The following PCDHGB1 variants were observed in gnomAD, a reference collection of about 807,000 sequenced individuals.
PCDHGB1 encodes protocadherin gamma subfamily B, 1.
A neutral mutation model predicts 56.6 loss-of-function variants in PCDHGB1; 34 were observed. The observed-to-expected ratio is 0.60, with a 90% CI of 0.46 to 0.80. PCDHGB1 has a LOEUF of 0.80. Ranked by LOEUF, PCDHGB1 falls within the 30% of genes least tolerant of loss-of-function variation. The pLI is 0.00. For synonymous variants in PCDHGB1, 561 were observed against 505.9 expected (o/e 1.11, Z -1.46); for missense variants, 1,278 against 1,204.6 (o/e 1.06, Z -0.90).
chr5:141,409,155 A>T, intron 1 of PCDHGB1: 1 of 1,614,036 alleles, frequency 6.2e-7, no homozygotes, highest in Non-Finnish European at 8.5e-7. Context: ...TACACCATGG[A>T]AGTGGAAGCG....
In PCDHGB1 at chr5:141,431,771, C is replaced by G. The variant is rs1175712662; in HGVS notation, c.2410-63036C>G. 1.2e-6 allele frequency: 2 copies of G among 1,614,214 alleles called. No homozygotes were observed. Among genetic ancestry groups the G allele is most frequent in the Non-Finnish European group, 8.5e-7 (1 of 1,180,034 alleles). The stretch of plus-strand genomic sequence containing the variant: ...GCGAGCCAAAGTCCTGATCACTGTT[C>G]TGGACGTGAACGACAATGCCCCAGA... On this transcript the variant is annotated intron_variant, in intron 1 of 3. Coordinates refer to ENST00000523390, the MANE Select transcript of PCDHGB1 (RefSeq NM_018922.3). The surrounding 1 kb of genome is among the most constrained non-coding windows in gnomAD (Gnocchi z 4.8).
chr5:141,415,026 G>T, intron 1 of PCDHGB1: 2 of 1,613,590 alleles, frequency 1.2e-6, no homozygotes, highest in Non-Finnish European at 1.7e-6. Context: ...AGGCCAGCGA[G>T]CCGGGACTCT....
intron 1 of PCDHGB1, chr5:141,413,070 T>C: frequency 8.4e-7 from 1 of 1,195,132 alleles, no homozygotes; most frequent in African/African-American, 1.5e-5. Context: ...GAATTTAAAG[T>C]GCCCAGGCTA....
At position 141,487,448 on chromosome 5, in the gene PCDHGB1, C is replaced by T; in HGVS notation, c.2410-7359C>T. The stretch of plus-strand genomic sequence containing the variant: ...CCGAATCCAGCTAGGGTCAGATGAC[C>T]CTATCAAGTTTGTTGATGTGGGAGG... On this transcript the variant is annotated intron_variant, in intron 1 of 3. Coordinates refer to ENST00000523390, the MANE Select transcript of PCDHGB1 (RefSeq NM_018922.3). The surrounding 1 kb of genome is among the most constrained non-coding windows in gnomAD (Gnocchi z 5.0). 6.8e-6 allele frequency: 11 copies of T among 1,614,146 alleles called. No individual in the cohort carries two copies. The highest frequency in any genetic ancestry group is 9.3e-6 in the Non-Finnish European group (11 of 1,180,028).
chr5:141,422,977 G>A (rs1434523351), intron 1 of PCDHGB1: 1 of 1,614,110 alleles, frequency 6.2e-7, no homozygotes, highest in Non-Finnish European at 8.5e-7. Context: ...CCGCTCTGCG[G>A]AACCTGGCTA....
chr5:141,415,040 C>A (rs772941952), intron 1 of PCDHGB1: 3 of 1,613,520 alleles, frequency 1.9e-6, no homozygotes, highest in Non-Finnish European at 2.5e-6. Flanking sequence ...GGACTCTTCG[C>A]GGTGGGGGAG....
chr5:141,358,269 CT>C (rs1760870849), intron 1 of PCDHGB1, among the ~76,000 whole-genome samples: 1 of 152,132 alleles, frequency 6.6e-6, no homozygotes, highest in Non-Finnish European at 1.5e-5. Context: ...TACAAGAGAC[CT>C]GTAAAATAGA....
At chr5:141,445,938 G>A (rs2098482293) in intron 1 of PCDHGB1, among the ~76,000 whole-genome samples, 1 of 152,196 alleles carries the variant, frequency 6.6e-6, no homozygotes, top group Non-Finnish European at 1.5e-5. Flanking sequence ...GAATTATTAA[G>A]CTTACTCTGG....
In PCDHGB1 at chr5:141,431,221, A is replaced by T; in HGVS notation, c.2410-63586A>T. 6.2e-7 allele frequency: 1 copy of T among 1,614,124 alleles called. No homozygotes were observed. The highest frequency in any genetic ancestry group is 8.5e-7 in the Non-Finnish European group (1 of 1,180,026). On this transcript the variant is annotated intron_variant, in intron 1 of 3. Transcript: ENST00000523390. The surrounding 1 kb of genome is among the most constrained non-coding windows in gnomAD (Gnocchi z 4.8). Reference sequence around the variant, plus strand: ...CAGCCACTGAGATGCGGTTCCCTCTACCCCACGCCTGGGATCCGGATATCG... The same window carrying T: ...CAGCCACTGAGATGCGGTTCCCTCTTCCCCACGCCTGGGATCCGGATATCG...
rs1759015395 is a variant in PCDHGB1 at position 141,352,445 on chromosome 5, T to C, written c.2185T>C (p.Ser729Pro). ...TEGCFQTGLC[S>P]KSGPGVPPNH... ...GGGCTGCTTTCAAACCGGTCTCTGC[T>C]CCAAGTCTGGGCCCGGGGTTCCTCC... is the stretch of plus-strand genomic sequence containing the variant. Residue 729 changes from serine (S) to proline (P), a missense_variant, in exon 1 of 4, where the codon TCC becomes CCC. Physicochemically the swap from Ser to Pro is moderately conservative, Grantham distance 74. Coordinates refer to ENST00000523390, the MANE Select transcript of PCDHGB1 (RefSeq NM_018922.3). 1 of 1,614,006 alleles carries C rather than the reference T, an allele frequency of 6.2e-7. No individual in the cohort carries two copies.
Position 141,350,305 on chromosome 5 carries a change from G to A in PCDHGB1, c.45G>A (p.Leu15=), listed in dbSNP as rs1758443560. ...CCGAAATGATGAAAAGTCAGGTACT[G>A]TTTCCCTTCCTGCTGTCTTTGTTCT... ...REAEMMKSQV[L]FPFLLSLFCG... is the part of the protein sequence containing the mutation. The change falls in exon 1 of 4, where the codon CTG becomes CTA. Residue 15 remains leucine (L), a synonymous_variant. Coordinates refer to ENST00000523390, the MANE Select transcript of PCDHGB1 (RefSeq NM_018922.3). 1 of 1,521,768 alleles carries A rather than the reference G, an allele frequency of 6.6e-7. No individual in the cohort carries two copies. The highest frequency in any genetic ancestry group is 1.4e-5 in the African/African-American group (1 of 71,824). 94.3% of individuals were successfully genotyped at this position (1,521,768 alleles called of 1,614,324 possible). A position where few individuals can be genotyped will look rare whatever the true frequency, so the allele number is the denominator to read the frequency against.
chr5:141,357,846 C>CGA, intron 1 of PCDHGB1: 2 of 620,680 alleles, frequency 3.2e-6, no homozygotes, highest in Non-Finnish European at 5.4e-6. Flanking sequence ...GTTGTAGTTT[C>CGA]AGCCAGAATT....
chr5:141,399,753 G>A (rs1418820057), intron 1 of PCDHGB1: 6 of 1,613,252 alleles, frequency 3.7e-6, no homozygotes, highest in Middle Eastern at 1.7e-4. Flanking sequence ...GCGCAAACGT[G>A]AGCCTGCGCG....
At chr5:141,422,690 T>G (rs1384522137) in intron 1 of PCDHGB1, 1 of 1,603,908 alleles carries the variant, frequency 6.2e-7, no homozygotes, top group Admixed American at 1.7e-5. Context: ...AATGCCCTGG[T>G]CACTTACTCT....
intron 1 of PCDHGB1, chr5:141,402,997 G>C: frequency 3.7e-6 from 6 of 1,613,928 alleles, no homozygotes; most frequent in Non-Finnish European, 5.1e-6. Context: ...GATTAGTCCT[G>C]CTATGCTCGC....
intron 1 of PCDHGB1, chr5:141,478,565 T>C (rs772519746): frequency 1.6e-5 from 25 of 1,593,862 alleles, no homozygotes; most frequent in Non-Finnish European, 2.0e-5. Flanking sequence ...TAGCAAGTCA[T>C]GCTTGACCCT....
At chr5:141,353,932 T>C (rs1212162899) in intron 1 of PCDHGB1, among the ~76,000 whole-genome samples, 2 of 152,254 alleles carry the variant, frequency 1.3e-5, no homozygotes, top group Non-Finnish European at 2.9e-5. Context: ...TCATTTCTAC[T>C]GCTAATTGTT....
At chr5:141,371,513 T>C (rs1470036501) in intron 1 of PCDHGB1, 5 of 1,613,818 alleles carry the variant, frequency 3.1e-6, no homozygotes, top group Non-Finnish European at 4.2e-6. Flanking sequence ...AAACACATGA[T>C]CTAGATTCTG....
Position 141,431,075 on chromosome 5 carries a change from C to G in PCDHGB1, c.2410-63732C>G. ...GGGGGCCATCAAGTGTCAATTAAAT[C>G]TAGACATTCTGATGGAGGATAAAGT... is the stretch of plus-strand genomic sequence containing the variant. On this transcript the variant is annotated intron_variant, in intron 1 of 3. Coordinates refer to ENST00000523390, the MANE Select transcript of PCDHGB1 (RefSeq NM_018922.3). The surrounding 1 kb of genome is among the most constrained non-coding windows in gnomAD (Gnocchi z 4.8). 1 of 1,614,156 alleles carries G rather than the reference C, an allele frequency of 6.2e-7. No homozygotes were observed. Among genetic ancestry groups the G allele is most frequent in the Non-Finnish European group, 8.5e-7 (1 of 1,179,984 alleles).
Sources: allele counts gnomAD v4.1 joint callset (sites outside exome capture counted in the v4.1 genomes callset), GRCh38; gene constraint gnomAD v4.1.1; non-coding constraint Gnocchi (gnomAD v3.1); transcripts MANE v1.5; gene names NCBI Gene and HGNC (gene_info 2026-07-23, HGNC 2026-07-21).